Variants in ACER3 observed in about 807,000 individuals in gnomAD.
ACER3 encodes the protein alkCDase 3.
Under a neutral mutation model 48.9 loss-of-function variants are expected in ACER3, and 16 were observed. That is an observed-to-expected ratio of 0.33 (90% confidence interval 0.22 to 0.50). The LOEUF (loss-of-function observed/expected upper bound fraction) is 0.50, where lower values mean the gene tolerates loss of function less well. Ranked by LOEUF, ACER3 falls within the 20% of genes least tolerant of loss-of-function variation. The pLI, the probability that ACER3 is intolerant of heterozygous loss-of-function variation, is 0.98. For synonymous variants in ACER3, 109 were observed against 107.8 expected, an observed-to-expected ratio of 1.01 and a Z score of -0.07; for missense variants, 227 against 326.0, an observed-to-expected ratio of 0.70 and a Z score of 2.34.
At chr11:76,934,929 A>G (rs543531792) in intron 2 of ACER3, among the ~76,000 whole-genome samples, 3 of 152,358 alleles carry the variant, frequency 2.0e-5, no homozygotes, top group African/African-American at 7.2e-5. Flanking sequence ...CTTCTCCACA[A>G]CAAACTGTGA....
intron 1 of ACER3, among the ~76,000 whole-genome samples, chr11:76,906,165 T>G (rs1195597395): frequency 6.6e-6 from 1 of 152,190 alleles, no homozygotes; most frequent in Non-Finnish European, 1.5e-5. Context: ...TCCCTATAAC[T>G]GATCCCCTGC....
chr11:76,949,408 C>A (rs542328801), intron 2 of ACER3, among the ~76,000 whole-genome samples: 1 of 152,166 alleles, frequency 6.6e-6, no homozygotes, highest in South Asian at 2.1e-4. Flanking sequence ...TTTGATGTCA[C>A]AAACAGGCAA....
intron 5 of ACER3, among the ~76,000 whole-genome samples, chr11:76,986,313 C>T (rs1030259228): frequency 2.6e-5 from 4 of 152,080 alleles, no homozygotes; most frequent in Admixed American, 2.6e-4. Context: ...AGAATTGCAT[C>T]AAAAGATAAT....
At chr11:77,005,110 T>G (rs1555020617) in intron 7 of ACER3, among the ~76,000 whole-genome samples, 1 of 149,100 alleles carries the variant, frequency 6.7e-6, no homozygotes, top group Non-Finnish European at 1.5e-5. Flanking sequence ...CGATCTCAGC[T>G]CACTGCAAAC....
chr11:76,940,607 A>G lies in ACER3; in HGVS notation c.214+13940A>G, dbSNP rs376582394. 2.6e-5 allele frequency among the ~76,000 whole-genome samples: 4 copies of G among 152,204 alleles called. No homozygotes were observed. The South Asian group carries it at 8.3e-4, about 32-fold the overall frequency. ...CTAGGAACAGAAGTGGGTAGCGATT[A>G]TAGGAGTATTTTTCTGACTTAACAA... is the stretch of plus-strand genomic sequence containing the variant. On this transcript the variant is annotated intron_variant, in intron 2 of 10. Transcript: ENST00000532485.
At chr11:76,882,944 T>C (rs1283345038) in intron 1 of ACER3, among the ~76,000 whole-genome samples, 3 of 152,212 alleles carry the variant, frequency 2.0e-5, no homozygotes, top group African/African-American at 7.2e-5. Context: ...ATCCCTTCTT[T>C]GTTTTCCCTT....
At chr11:76,916,635 A>C (rs1485201239) in intron 1 of ACER3, among the ~76,000 whole-genome samples, 1 of 152,232 alleles carries the variant, frequency 6.6e-6, no homozygotes, top group Non-Finnish European at 1.5e-5. Context: ...AGTTTCGGTA[A>C]AAGTGGAGAG....
At chr11:76,999,822 A>G (rs1173248369) in intron 7 of ACER3, among the ~76,000 whole-genome samples, 3 of 152,156 alleles carry the variant, frequency 2.0e-5, no homozygotes, top group Non-Finnish European at 4.4e-5. Context: ...GTAGTATTCC[A>G]TGGTATAGAT....
intron 1 of ACER3, among the ~76,000 whole-genome samples, chr11:76,863,633 G>A (rs993170743): frequency 3.9e-5 from 6 of 152,108 alleles, no homozygotes; most frequent in East Asian, 1.9e-4. Context: ...TTAACATCAC[G>A]ATAGTATTTA....
intron 1 of ACER3, among the ~76,000 whole-genome samples, chr11:76,898,067 G>T (rs1469465656): frequency 2.6e-5 from 4 of 152,002 alleles, no homozygotes; most frequent in Non-Finnish European, 5.9e-5. Context: ...TGAATATATG[G>T]TGGTGGAGAA....
At chr11:77,016,813 G>GA in intron 9 of ACER3, 34 bp downstream of exon 9, 1 of 1,185,532 alleles carries the variant, frequency 8.4e-7, no homozygotes. Flanking sequence ...CCTCGTACTA[G>GA]AGTTTGTTGT....
At position 76,936,821 on chromosome 11, in the gene ACER3, A is replaced by G. The variant is rs952523852; in HGVS notation, c.214+10154A>G. Among the ~76,000 whole-genome samples the G allele has an allele frequency of 1.1e-4, 17 of 151,270 alleles. No individual in the cohort carries two copies. In the East Asian group the frequency reaches 2.9e-3, roughly 26 times the overall value. On this transcript the variant is annotated intron_variant, in intron 2 of 10. Coordinates refer to ENST00000532485, the MANE Select transcript of ACER3 (RefSeq NM_018367.7). ...CACCCTCCCCCACCTGGGTTCAGGC[A>G]GTTCTCCTGCCTCAGCCTCCCGAGT...
intron 1 of ACER3, 102 bp downstream of exon 1, chr11:76,861,181 C>A: frequency 8.6e-7 from 1 of 1,166,346 alleles, no homozygotes; most frequent in Non-Finnish European, 1.2e-6. Flanking sequence ...AAGGGAGGTG[C>A]CAGGCCTGGC....
chr11:76,909,015 TG>T (rs1946304503), intron 1 of ACER3, among the ~76,000 whole-genome samples: 1 of 152,076 alleles, frequency 6.6e-6, no homozygotes, highest in Admixed American at 6.6e-5. Flanking sequence ...AAACAAGAAA[TG>T]GGGGAAAGGA....
intron 1 of ACER3, among the ~76,000 whole-genome samples, chr11:76,915,718 A>G (rs970264617): frequency 1.2e-4 from 19 of 152,240 alleles, no homozygotes; most frequent in South Asian, 2.1e-4. Context: ...ACAGTTCCAC[A>G]TGGCTGGGGA....
chr11:76,889,630 T>C (rs938897323), intron 1 of ACER3, among the ~76,000 whole-genome samples: 2 of 152,162 alleles, frequency 1.3e-5, no homozygotes, highest in African/African-American at 4.8e-5. Flanking sequence ...TTCTAAACAC[T>C]TGCACTTTTG....
At chr11:76,862,082 T>C (rs1042633410) in intron 1 of ACER3, among the ~76,000 whole-genome samples, 1 of 152,240 alleles carries the variant, frequency 6.6e-6, no homozygotes, top group Non-Finnish European at 1.5e-5. Context: ...TCTGGCAAAG[T>C]GCAAAGACTA....
At chr11:76,942,384 T>A (rs1036532968) in intron 2 of ACER3, among the ~76,000 whole-genome samples, 2 of 152,060 alleles carry the variant, frequency 1.3e-5, no homozygotes, top group Non-Finnish European at 2.9e-5. Flanking sequence ...GGATGTTGAG[T>A]TTTAATGGAT....
intron 4 of ACER3, among the ~76,000 whole-genome samples, chr11:76,981,190 T>C (rs1948575700): frequency 1.3e-5 from 2 of 152,172 alleles, no homozygotes; most frequent in Non-Finnish European, 2.9e-5. Flanking sequence ...AAAGAATATA[T>C]AAAAAGAGCA....
Sources: allele counts gnomAD v4.1 joint callset (sites outside exome capture counted in the v4.1 genomes callset), GRCh38; gene constraint gnomAD v4.1.1; transcripts MANE v1.5; gene names NCBI Gene and HGNC (gene_info 2026-07-23, HGNC 2026-07-21).